Variants in MKRN3 observed in about 807,000 individuals in gnomAD.
The protein encoded by MKRN3 is E3 ubiquitin-protein ligase makorin-3.
For missense variants in MKRN3, 749 were observed against 667.0 expected (o/e 1.12, Z -1.35); for synonymous variants, 301 against 250.2 (o/e 1.20, Z -1.91).
rs1040023033 is a variant in MKRN3 at position 23,567,532 on chromosome 15, T to C, written c.*226T>C. ...TGAAATTAATATTAATGTCAGCTTA[T>C]GGCTTTTTTTTGTCATCTCTGTTGT... is the stretch of plus-strand genomic sequence containing the variant. On this transcript the variant is annotated 3_prime_UTR_variant, in exon 1 of 1. Transcript: ENST00000314520. The C allele has an allele frequency of 1.9e-5, 26 of 1,383,702 alleles. No individual in the cohort carries two copies. Among genetic ancestry groups the C allele is most frequent in the Admixed American group, 1.0e-4 (3 of 29,064 alleles). 85.7% of individuals were successfully genotyped at this position (1,383,702 alleles called of 1,614,324 possible). A position where few individuals can be genotyped will look rare whatever the true frequency, so the allele number is the denominator to read the frequency against.
In MKRN3 at chr15:23,567,787, T is replaced by C; in HGVS notation, c.*481T>C. The C allele has an allele frequency of 1.0e-6, 1 of 1,002,006 alleles. No individual in the cohort carries two copies. Among genetic ancestry groups the C allele is most frequent in the Non-Finnish European group, 1.2e-6 (1 of 831,226 alleles). The allele number at this position is 1,002,006 out of a possible 1,614,324, so 62.1% of individuals were successfully genotyped here. ...CCCTTCAAGTGCACTTGTTAAACTG[T>C]GATGAACTTGTGATTTTGTGTTTTA... On this transcript the variant is annotated 3_prime_UTR_variant, in exon 1 of 1. Coordinates refer to ENST00000314520, the MANE Select transcript of MKRN3 (RefSeq NM_005664.4).
Position 23,566,702 on chromosome 15 carries a change from T to G in MKRN3, c.920T>G (p.Met307Arg). Residue 307 changes from methionine to arginine, a missense_variant, in exon 1 of 1, where the codon ATG becomes AGG. Transcript: ENST00000314520. Reference protein sequence around the residue: ...MELSFAVQRGMDKVCGICMEV... With the variant: ...MELSFAVQRGRDKVCGICMEV... ...CTCTCGTTTGCTGTGCAGCGTGGTA[T>G]GGACAAGGTGTGTGGCATCTGCATG... is the stretch of plus-strand genomic sequence containing the variant. The G allele has an allele frequency of 6.2e-7, 1 of 1,614,198 alleles. No individual in the cohort carries two copies. The highest frequency in any genetic ancestry group is 8.5e-7 in the Non-Finnish European group (1 of 1,180,026).
chr15:23,566,462 G>T lies in MKRN3; in HGVS notation c.680G>T (p.Ser227Ile), dbSNP rs1889098542. Residue 227 changes from serine (S) to isoleucine (I), a missense_variant, in exon 1 of 1, where the codon AGC becomes ATC. Ser to Ile is a moderately radical substitution (Grantham distance 142, BLOSUM62 -2). Transcript: ENST00000314520. ...VASAPEAPLQ[S>I]SETERKQMAV... ...TCTGCCCCCGAGGCTCCTCTACAGAGCTCAGAGACTGAGAGGAAGCAGATG... is the reference window on the plus strand; with the variant it reads ...TCTGCCCCCGAGGCTCCTCTACAGATCTCAGAGACTGAGAGGAAGCAGATG... 1 of 1,613,984 alleles carries T rather than the reference G, an allele frequency of 6.2e-7. No individual in the cohort carries two copies. The highest frequency in any genetic ancestry group is 1.3e-5 in the African/African-American group (1 of 74,938).
Position 23,567,049 on chromosome 15 carries a change from C to T in MKRN3, c.1267C>T (p.Pro423Ser), listed in dbSNP as rs533741579. The T allele has an allele frequency of 5.0e-6, 8 of 1,614,068 alleles. No homozygotes were observed. Among genetic ancestry groups the T allele is most frequent in the East Asian group, 4.5e-5 (2 of 44,886 alleles). The change falls in exon 1 of 1, where the codon CCT (proline) becomes TCT (serine). Residue 423 changes from proline (P) to serine (S), a missense_variant. Physicochemically the swap from Pro to Ser is moderately conservative, Grantham distance 74. Transcript: ENST00000314520. Reference protein sequence around the residue: ...GDTCFYKHEYPEGWGDEPPGP... With the variant: ...GDTCFYKHEYSEGWGDEPPGP... ...CACATGCTTTTACAAGCATGAATAC[C>T]CTGAGGGCTGGGGAGATGAGCCTCC... is the stretch of plus-strand genomic sequence containing the variant.
Position 23,566,292 on chromosome 15 carries a change from G to A in MKRN3, c.510G>A (p.Val170=). The stretch of plus-strand genomic sequence containing the variant: ...CTGCATCCTCCCTTTCCTTGCCTGT[G>A]ATTGGCTCGGCTGCTGAAAGGGGTT... The part of the protein sequence containing the change: ...PPAASSLSLP[V]IGSAAERGFF... Residue 170 remains valine, a synonymous_variant, in exon 1 of 1, where the codon GTG becomes GTA. Transcript: ENST00000314520. 6.2e-7 allele frequency: 1 copy of A among 1,614,046 alleles called. No homozygotes were observed. Among genetic ancestry groups the A allele is most frequent in the Non-Finnish European group, 8.5e-7 (1 of 1,180,038 alleles).
chr15:23,567,548 T>A lies in MKRN3; in HGVS notation c.*242T>A. On this transcript the variant is annotated 3_prime_UTR_variant, in exon 1 of 1. Coordinates refer to ENST00000314520, the MANE Select transcript of MKRN3 (RefSeq NM_005664.4). ...GTCAGCTTATGGCTTTTTTTTGTCA[T>A]CTCTGTTGTCAACAGGATTAACTCA... is the stretch of plus-strand genomic sequence containing the variant. 1 of 1,355,572 alleles carries A rather than the reference T, an allele frequency of 7.4e-7. No homozygotes were observed. The highest frequency in any genetic ancestry group is 9.5e-7 in the Non-Finnish European group (1 of 1,048,228). 84.0% of individuals were successfully genotyped at this position (1,355,572 alleles called of 1,614,324 possible). A position where few individuals can be genotyped will look rare whatever the true frequency, so the allele number is the denominator to read the frequency against.
rs1391567071 is a variant in MKRN3 at position 23,565,943 on chromosome 15, G to C, written c.161G>C (p.Gly54Ala). Residue 54 changes from glycine to alanine, a missense_variant, in exon 1 of 1, where the codon GGC becomes GCC. By Grantham distance (60) the Gly-to-Ala change is moderately conservative. Transcript: ENST00000314520. The part of the protein sequence containing the change: ...PDSALPHAAR[G>A]WAPFPVAPVP... ...TCAGCCCTGCCACATGCGGCAAGGG[G>C]CTGGGCCCCCTTCCCTGTAGCTCCA... 6.2e-6 allele frequency: 10 copies of C among 1,613,960 alleles called. No individual in the cohort carries two copies. Among genetic ancestry groups the C allele is most frequent in the East Asian group, 2.2e-5 (1 of 44,848 alleles).
rs760298770 is a variant in MKRN3 at position 23,566,593 on chromosome 15, C to T, written c.811C>T (p.Leu271=). 3 of 1,614,160 alleles carry T rather than the reference C, an allele frequency of 1.9e-6. No individual in the cohort carries two copies. The highest frequency in any genetic ancestry group is 1.7e-5 in the Admixed American group (1 of 60,022). The change falls in exon 1 of 1, where the codon CTG becomes TTG. Residue 271 remains leucine, a synonymous_variant. Transcript: ENST00000314520. The stretch of plus-strand genomic sequence containing the variant: ...TGGAGACATATGCGACATGTGTGGG[C>T]TGCAGACCTTGCACCCCATGGATGC... ...LHGDICDMCG[L]QTLHPMDAAQ...
In MKRN3 at chr15:23,566,378, G is replaced by C; in HGVS notation, c.596G>C (p.Ser199Thr). The change falls in exon 1 of 1, where the codon AGC becomes ACC. Residue 199 changes from serine to threonine, a missense_variant. By Grantham distance (58) the Ser-to-Thr change is moderately conservative. Coordinates refer to ENST00000314520, the MANE Select transcript of MKRN3 (RefSeq NM_005664.4). ...RGAAGGAGVE[S>T]WADAIEFVPG... ...GCTGCTGGAGGAGCAGGTGTAGAAA[G>C]CTGGGCGGATGCCATTGAGTTTGTT... 1.9e-6 allele frequency: 3 copies of C among 1,613,862 alleles called. No individual in the cohort carries two copies.
rs776224446 is a variant in MKRN3 at position 23,566,838 on chromosome 15, G to T, written c.1056G>T (p.Gln352His). The change falls in exon 1 of 1, where the codon CAG (glutamine) becomes CAT (histidine). Residue 352 changes from glutamine to histidine, a missense_variant. Coordinates refer to ENST00000314520, the MANE Select transcript of MKRN3 (RefSeq NM_005664.4). ...RCIRRWRSARQFENRIVKSCP... is the reference protein window; with the variant it reads ...RCIRRWRSARHFENRIVKSCP... ...TCCGCAGGTGGAGAAGTGCCAGACAGTTTGAGAACAGGATCGTCAAGTCTT... is the reference window on the plus strand; with the variant it reads ...TCCGCAGGTGGAGAAGTGCCAGACATTTTGAGAACAGGATCGTCAAGTCTT... 2 of 1,614,228 alleles carry T rather than the reference G, an allele frequency of 1.2e-6. No homozygotes were observed. The highest frequency in any genetic ancestry group is 3.3e-5 in the Admixed American group (2 of 60,032).
In MKRN3 at chr15:23,567,956, A is replaced by G; in HGVS notation, c.*650A>G. 1.4e-6 allele frequency: 1 copy of G among 693,332 alleles called. No individual in the cohort carries two copies. Among genetic ancestry groups the G allele is most frequent in the Non-Finnish European group, 1.8e-6 (1 of 556,120 alleles). The allele number at this position is 693,332 out of a possible 1,614,324, so 42.9% of individuals were successfully genotyped here. A position where few individuals can be genotyped will look rare whatever the true frequency, so the allele number is the denominator to read the frequency against. On this transcript the variant is annotated 3_prime_UTR_variant, in exon 1 of 1. Coordinates refer to ENST00000314520, the MANE Select transcript of MKRN3 (RefSeq NM_005664.4). ...AGAGTTATGTATTTGAAAAAAATATATAAAAGAATATACATCACAATATAA... is the reference window on the plus strand; with the variant it reads ...AGAGTTATGTATTTGAAAAAAATATGTAAAAGAATATACATCACAATATAA...
chr15:23,567,810 T>G lies in MKRN3; in HGVS notation c.*504T>G, dbSNP rs1481177674. 4 of 1,000,494 alleles carry G rather than the reference T, an allele frequency of 4.0e-6. No homozygotes were observed. The highest frequency in any genetic ancestry group is 4.8e-6 in the Non-Finnish European group (4 of 830,244). The allele number at this position is 1,000,494 out of a possible 1,614,324, so 62.0% of individuals were successfully genotyped here. On this transcript the variant is annotated 3_prime_UTR_variant, in exon 1 of 1. Transcript: ENST00000314520. ...TGTGATGAACTTGTGATTTTGTGTT[T>G]TACTTGACCAAAACCAAGTGTATAT...
rs1889077201 is a variant in MKRN3 at position 23,565,940 on chromosome 15, G to A, written c.158G>A (p.Arg53Lys). 2 of 1,613,856 alleles carry A rather than the reference G, an allele frequency of 1.2e-6. No individual in the cohort carries two copies. The highest frequency in any genetic ancestry group is 1.7e-6 in the Non-Finnish European group (2 of 1,179,998). Residue 53 changes from arginine to lysine, a missense_variant, in exon 1 of 1, where the codon AGG (arginine) becomes AAG (lysine). By Grantham distance (26) the Arg-to-Lys change is conservative. Coordinates refer to ENST00000314520, the MANE Select transcript of MKRN3 (RefSeq NM_005664.4). ...APDSALPHAA[R>K]GWAPFPVAPV... is the part of the protein sequence containing the mutation. Reference sequence around the variant, plus strand: ...GATTCAGCCCTGCCACATGCGGCAAGGGGCTGGGCCCCCTTCCCTGTAGCT... The same window carrying A: ...GATTCAGCCCTGCCACATGCGGCAAAGGGCTGGGCCCCCTTCCCTGTAGCT...
In MKRN3 at chr15:23,565,836, A is replaced by T; in HGVS notation, c.54A>T (p.Ala18=). The change falls in exon 1 of 1, where the codon GCA becomes GCT. Residue 18 remains alanine, a synonymous_variant. Coordinates refer to ENST00000314520, the MANE Select transcript of MKRN3 (RefSeq NM_005664.4). ...SEAHEAAGAQ[A]GAEAAREGVS... is the part of the protein sequence containing the mutation. ...CCCACGAGGCAGCCGGGGCCCAGGC[A>T]GGTGCTGAGGCAGCAAGGGAGGGTG... 6.2e-7 allele frequency: 1 copy of T among 1,612,816 alleles called. No individual in the cohort carries two copies. Among genetic ancestry groups the T allele is most frequent in the Non-Finnish European group, 8.5e-7 (1 of 1,179,172 alleles).
At position 23,567,549 on chromosome 15, in the gene MKRN3, C is replaced by A; in HGVS notation, c.*243C>A. 3.0e-6 allele frequency: 4 copies of A among 1,353,684 alleles called. No homozygotes were observed. Among genetic ancestry groups the A allele is most frequent in the Non-Finnish European group, 1.9e-6 (2 of 1,047,024 alleles). 83.9% of individuals were successfully genotyped at this position (1,353,684 alleles called of 1,614,324 possible). ...TCAGCTTATGGCTTTTTTTTGTCAT[C>A]TCTGTTGTCAACAGGATTAACTCAG... On this transcript the variant is annotated 3_prime_UTR_variant, in exon 1 of 1. Coordinates refer to ENST00000314520, the MANE Select transcript of MKRN3 (RefSeq NM_005664.4).
chr15:23,566,170 G>T lies in MKRN3; in HGVS notation c.388G>T (p.Gly130Cys), dbSNP rs1303594230. The change falls in exon 1 of 1, where the codon GGT (glycine) becomes TGT (cysteine). Residue 130 changes from glycine to cysteine, a missense_variant. Transcript: ENST00000314520. ...DLSGRKMATE[G>C]GVSPPGASAG... ...TTCTGGTCGGAAGATGGCCACTGAG[G>T]GTGGCGTTTCGCCGCCTGGGGCCTC... 6.2e-7 allele frequency: 1 copy of T among 1,613,980 alleles called. No homozygotes were observed. Among genetic ancestry groups the T allele is most frequent in the South Asian group, 1.1e-5 (1 of 91,074 alleles).
In MKRN3 at chr15:23,567,469, C is replaced by G; in HGVS notation, c.*163C>G. ...TTCCCCCTAGGATTATGGTGATTAT[C>G]TGTGTTAAAAAATAAGTCCTTAAAG... On this transcript the variant is annotated 3_prime_UTR_variant, in exon 1 of 1. Coordinates refer to ENST00000314520, the MANE Select transcript of MKRN3 (RefSeq NM_005664.4). 5.5e-6 allele frequency: 8 copies of G among 1,443,832 alleles called. No individual in the cohort carries two copies. The highest frequency in any genetic ancestry group is 7.3e-6 in the Non-Finnish European group (8 of 1,096,374). 89.4% of individuals were successfully genotyped at this position (1,443,832 alleles called of 1,614,324 possible).
chr15:23,567,834 A>G lies in MKRN3; in HGVS notation c.*528A>G, dbSNP rs1341678260. The G allele has an allele frequency of 2.0e-6, 2 of 993,022 alleles. No individual in the cohort carries two copies. Among genetic ancestry groups the G allele is most frequent in the African/African-American group, 1.8e-5 (1 of 57,000 alleles). The allele number at this position is 993,022 out of a possible 1,614,324, so 61.5% of individuals were successfully genotyped here. A position where few individuals can be genotyped will look rare whatever the true frequency, so the allele number is the denominator to read the frequency against. On this transcript the variant is annotated 3_prime_UTR_variant, in exon 1 of 1. Coordinates refer to ENST00000314520, the MANE Select transcript of MKRN3 (RefSeq NM_005664.4). ...TTTACTTGACCAAAACCAAGTGTAT[A>G]TGTTTACATGTTTTTATCCTGTTTA...
Position 23,566,652 on chromosome 15 carries a change from T to G in MKRN3, c.870T>G (p.Ile290Met). Residue 290 changes from isoleucine (I) to methionine (M), a missense_variant, in exon 1 of 1, where the codon ATT becomes ATG. Transcript: ENST00000314520. Reference sequence around the variant, plus strand: ...GGGAAGAACATATGAGGGCCTGCATTGAAGCACACGAGAAAGATATGGAAC... The same window carrying G: ...GGGAAGAACATATGAGGGCCTGCATGGAAGCACACGAGAAAGATATGGAAC... ...AQREEHMRAC[I>M]EAHEKDMELS... The G allele has an allele frequency of 3.1e-6, 5 of 1,614,142 alleles. No homozygotes were observed. Among genetic ancestry groups the G allele is most frequent in the Non-Finnish European group, 4.2e-6 (5 of 1,180,016 alleles).
Sources: gnomAD v4.1 joint callset for allele counts on GRCh38, gnomAD v4.1.1 for gene constraint, MANE v1.5 for transcripts, NCBI Gene and HGNC (gene_info 2026-07-23, HGNC 2026-07-21) for gene names.